ACTR2: variants seen among roughly 807,000 people sequenced by gnomAD.
ACTR2 encodes actin-related protein 2.
A neutral mutation model predicts 50.2 loss-of-function variants in ACTR2; 5 were observed. The observed-to-expected ratio is 0.10, with a 90% CI of 0.05 to 0.21. The LOEUF is 0.21. Among genes scored for constraint, ACTR2 ranks in the 10% least tolerant of loss-of-function variants. ACTR2 has a pLI of 1.00. For missense variants in ACTR2, 180 were observed against 480.6 expected (o/e 0.37, Z 5.85); for synonymous variants, 140 against 162.9 (o/e 0.86, Z 1.07).
chr2:65,235,296 T>C (rs1459916143), intron 1 of ACTR2, among the ~76,000 whole-genome samples: 5 of 152,118 alleles, frequency 3.3e-5, no homozygotes, highest in Non-Finnish European at 7.4e-5. Context: ...TCACATTATT[T>C]AAGAAGACAC....
chr2:65,238,271 A>G (rs1671775358), intron 1 of ACTR2, among the ~76,000 whole-genome samples: 1 of 152,334 alleles, frequency 6.6e-6, no homozygotes. Context: ...TATGTATAAA[A>G]TGGAAGTCTT....
intron 3 of ACTR2, 81 bp downstream of exon 3, chr2:65,246,820 A>T (rs997377301): frequency 6.1e-6 from 6 of 980,208 alleles, no homozygotes; most frequent in African/African-American, 3.4e-5. Context: ...GTTGCTATGG[A>T]TAAAGAGAAT....
chr2:65,245,434 C>G (rs896840154), intron 2 of ACTR2, among the ~76,000 whole-genome samples: 1 of 151,984 alleles, frequency 6.6e-6, no homozygotes, highest in Non-Finnish European at 1.5e-5. Flanking sequence ...GCAGGAGAAT[C>G]GCTTGAACCT....
chr2:65,251,173 G>T, intron 4 of ACTR2, 74 bp downstream of exon 4: 2 of 1,088,546 alleles, frequency 1.8e-6, no homozygotes, highest in South Asian at 3.1e-5. Flanking sequence ...CAGAGAATTT[G>T]GTTTCTCAAT....
At chr2:65,268,043 T>A (rs1341782921) in intron 8 of ACTR2, among the ~76,000 whole-genome samples, 1 of 151,836 alleles carries the variant, frequency 6.6e-6, no homozygotes, top group Non-Finnish European at 1.5e-5. Context: ...TTCACTGTGT[T>A]AGCCAGGATG....
intron 1 of ACTR2, among the ~76,000 whole-genome samples, chr2:65,234,288 A>G (rs529981049): frequency 6.6e-6 from 1 of 152,328 alleles, no homozygotes; most frequent in East Asian, 1.9e-4. Flanking sequence ...AATTTTTGCT[A>G]TCTTGATGGA....
chr2:65,253,689 A>T (rs756076650), intron 4 of ACTR2, 39 bp from the exon 5 acceptor site: 24 of 1,596,618 alleles, frequency 1.5e-5, no homozygotes, highest in Non-Finnish European at 2.0e-5. Flanking sequence ...GGTTTTCCTG[A>T]TTTGACTTTT....
rs70943640 is a variant in ACTR2, at chr2:65,267,862, C to CTTTTTTTTTTTTTTTTTTTTTTTTTTTT, written c.1015-701_1015-674dup. Among the ~76,000 whole-genome samples the CTTTTTTTTTTTTTTTTTTTTTTTTTTTT allele has an allele frequency of 3.4e-4, 16 of 47,412 alleles. 2 individuals are homozygous for CTTTTTTTTTTTTTTTTTTTTTTTTTTTT. Among genetic ancestry groups the CTTTTTTTTTTTTTTTTTTTTTTTTTTTT allele is most frequent in the Non-Finnish European group, 5.0e-4 (13 of 26,196 alleles). 31.1% of individuals were successfully genotyped at this position (47,412 alleles called of 152,430 possible). A position where few individuals can be genotyped will look rare whatever the true frequency, so the allele number is the denominator to read the frequency against. ...ACCTTGAAGAAGTCATGCAAGTCCT[C>CTTTTTTTTTTTTTTTTTTTTTTTTTTTT]TTTTTTTTTTTTTTTTTTTTTTTTT... On this transcript the variant is annotated intron_variant, in intron 8 of 8. Transcript: ENST00000260641.
chr2:65,248,277 G>C (rs1397447100), intron 3 of ACTR2, among the ~76,000 whole-genome samples: 3 of 152,166 alleles, frequency 2.0e-5, no homozygotes, highest in Non-Finnish European at 4.4e-5. Context: ...GTGCGTGCCT[G>C]TAATCCCAGC....
At chr2:65,259,967 ATTTG>A (rs1672235123) in intron 6 of ACTR2, among the ~76,000 whole-genome samples, 1 of 152,180 alleles carries the variant, frequency 6.6e-6, no homozygotes, top group African/African-American at 2.4e-5. Context: ...ATGATACCTG[ATTTG>A]TTTAAATCTT....
chr2:65,245,210 A>T (rs1281599391), intron 2 of ACTR2, among the ~76,000 whole-genome samples: 3 of 151,236 alleles, frequency 2.0e-5, no homozygotes, highest in African/African-American at 7.3e-5. Flanking sequence ...ATATATTTTT[A>T]AGCCTTTGTT....
chr2:65,228,030 G>C, intron 1 of ACTR2, 73 bp downstream of exon 1: 1 of 1,384,898 alleles, frequency 7.2e-7, no homozygotes, highest in Non-Finnish European at 9.5e-7. Flanking sequence ...ACGGGCCCTC[G>C]GCCCCCAGGG....
chr2:65,265,143 C>A lies in ACTR2; in HGVS notation c.982C>A (p.Arg328=). The A allele has an allele frequency of 1.2e-6, 2 of 1,614,122 alleles. No homozygotes were observed. Among genetic ancestry groups the A allele is most frequent in the Non-Finnish European group, 1.7e-6 (2 of 1,180,030 alleles). The change falls in exon 8 of 9, where the codon CGA becomes AGA. Residue 328 remains arginine (R), a synonymous_variant. Transcript: ENST00000260641. ...AGAACTTAAACAGCTTTACTTAGAA[C>A]GAGTTTTGAAGGGTGATGTGGAAAA... ...ERELKQLYLE[R]VLKGDVEKLS...
In ACTR2 at chr2:65,255,525, T is replaced by C. The variant is rs199950352; in HGVS notation, c.586-20T>C. 1,431 of 1,606,354 alleles carry C rather than the reference T, an allele frequency of 8.9e-4. 1 individual carries two copies. Among genetic ancestry groups the C allele is most frequent in the Non-Finnish European group, 1.1e-3 (1,314 of 1,175,670 alleles). On this transcript the variant is annotated intron_variant, in intron 5 of 8. Coordinates refer to ENST00000260641, the MANE Select transcript of ACTR2 (RefSeq NM_005722.4). ...CTCATTCAGATGTATTATGAACTTATTGCTATTGTTTTGTACCAGCTACTT... is the reference window on the plus strand; with the variant it reads ...CTCATTCAGATGTATTATGAACTTACTGCTATTGTTTTGTACCAGCTACTT...
intron 6 of ACTR2, among the ~76,000 whole-genome samples, chr2:65,256,509 A>T (rs779879097): frequency 3.3e-5 from 5 of 152,226 alleles, no homozygotes; most frequent in Non-Finnish European, 5.9e-5. Context: ...TTTTAAAACC[A>T]TATGATGCAT....
intron 5 of ACTR2, among the ~76,000 whole-genome samples, chr2:65,255,083 A>T (rs1573163142): frequency 6.6e-6 from 1 of 152,222 alleles, no homozygotes; most frequent in Admixed American, 6.5e-5. Flanking sequence ...CATTCGTTAA[A>T]CAAATGCTAT....
intron 1 of ACTR2, among the ~76,000 whole-genome samples, chr2:65,228,924 A>G (rs546729670): frequency 2.6e-4 from 40 of 152,258 alleles, no homozygotes; most frequent in Admixed American, 9.2e-4. Context: ...TACTAAAAAT[A>G]CAAAAATTAG....
At chr2:65,232,282 C>T (rs1440433140) in intron 1 of ACTR2, among the ~76,000 whole-genome samples, 5 of 152,184 alleles carry the variant, frequency 3.3e-5, no homozygotes, top group Non-Finnish European at 7.3e-5. Flanking sequence ...GAAGGTTTCT[C>T]CAGTGCGTGC....
Position 65,255,531 on chromosome 2 carries a change from T to C in ACTR2, c.586-14T>C. The C allele has an allele frequency of 1.9e-6, 3 of 1,608,298 alleles. No homozygotes were observed. In the East Asian group the frequency reaches 6.7e-5, roughly 36 times the overall value. Reference sequence around the variant, plus strand: ...CAGATGTATTATGAACTTATTGCTATTGTTTTGTACCAGCTACTTCTGTTG... The same window carrying C: ...CAGATGTATTATGAACTTATTGCTACTGTTTTGTACCAGCTACTTCTGTTG... On this transcript the variant is annotated splice_polypyrimidine_tract_variant and intron_variant, in intron 5 of 8. Transcript: ENST00000260641.
Sources: allele counts gnomAD v4.1 joint callset (sites outside exome capture counted in the v4.1 genomes callset), GRCh38; gene constraint gnomAD v4.1.1; transcripts MANE v1.5; gene names NCBI Gene and HGNC (gene_info 2026-07-23, HGNC 2026-07-21).